The following MTTP variants were observed in gnomAD, a reference collection of about 807,000 sequenced individuals.
MTTP encodes microsomal triglyceride transfer protein large subunit.
Under a neutral mutation model 90.6 loss-of-function variants are expected in MTTP, and 49 were observed. The ratio of observed to expected loss-of-function variants is 0.54; its 90% CI spans 0.43 to 0.69. The LOEUF (loss-of-function observed/expected upper bound fraction) is 0.69, where lower values mean the gene tolerates loss of function less well. Among genes scored for constraint, MTTP ranks in the 30% least tolerant of loss-of-function variants. The pLI is 0.00. For synonymous variants in MTTP, 347 were observed against 384.2 expected (o/e 0.90, Z 1.13); for missense variants, 945 against 1,067.5 (o/e 0.89, Z 1.60).
intron 17 of MTTP, 138 bp downstream of exon 17, chr4:99,621,369 T>C: frequency 1.7e-6 from 2 of 1,149,816 alleles, no homozygotes; most frequent in Non-Finnish European, 2.5e-6. Flanking sequence ...TTTAAATGAG[T>C]AGAAGAATAA....
chr4:99,605,249 A>C (rs1053486759), intron 10 of MTTP, among the ~76,000 whole-genome samples: 1 of 152,206 alleles, frequency 6.6e-6, no homozygotes, highest in Admixed American at 6.6e-5. Flanking sequence ...TCATTAAAAA[A>C]AATTTTTCTT....
intron 3 of MTTP, among the ~76,000 whole-genome samples, chr4:99,585,809 C>G (rs959872236): frequency 3.3e-5 from 5 of 152,048 alleles, no homozygotes; most frequent in African/African-American, 1.2e-4. Context: ...ACTGTAACCA[C>G]AGGTTAAAGT....
Position 99,594,851 on chromosome 4 carries a change from G to T in MTTP, c.877G>T (p.Val293Phe), listed in dbSNP as rs146548751. The stretch of plus-strand genomic sequence containing the variant: ...CACGGCCATTCCCATTGTGGGGCAG[G>T]TCTTCCAGAGCCACTGTAAAGGATG... ...KYTAIPIVGQ[V>F]FQSHCKGCPS... is the part of the protein sequence containing the mutation. The change falls in exon 7 of 18, where the codon GTC becomes TTC. Residue 293 changes from valine (V) to phenylalanine (F), a missense_variant. Coordinates refer to ENST00000265517, the MANE Select transcript of MTTP (RefSeq NM_001386140.1). 67 of 1,614,008 alleles carry T rather than the reference G, an allele frequency of 4.2e-5. 2 individuals carry two copies. The highest frequency in any genetic ancestry group is 3.3e-4 in the Middle Eastern group (2 of 6,060).
chr4:99,573,863 T>G (rs2110206956), upstream of MTTP, among the ~76,000 whole-genome samples: 2 of 152,268 alleles, frequency 1.3e-5, no homozygotes, highest in South Asian at 4.1e-4. Context: ...ACAGGCGGCC[T>G]AAGTCACCTC....
At position 99,587,286 on chromosome 4, in the gene MTTP, G is replaced by A. The variant is rs529108468; in HGVS notation, c.394-2357G>A. Among the ~76,000 whole-genome samples the A allele has an allele frequency of 2.0e-3, 297 of 152,198 alleles. 2 individuals are homozygous for A. The highest frequency in any genetic ancestry group is 6.9e-3 in the African/African-American group (286 of 41,546). On this transcript the variant is annotated intron_variant, in intron 3 of 17. Coordinates refer to ENST00000265517, the MANE Select transcript of MTTP (RefSeq NM_001386140.1). Reference sequence around the variant, plus strand: ...AAGAAACAGAATTTAGGCCCTAGAAGTAGCAGTCATATAAAAGAAAAAGAG... The same window carrying A: ...AAGAAACAGAATTTAGGCCCTAGAAATAGCAGTCATATAAAAGAAAAAGAG...
At position 99,622,814 on chromosome 4, in the gene MTTP, CT is replaced by C; in HGVS notation, c.2652del (p.Gln885SerfsTer15). ...GAGATGTGCAAAGTGGTGTTTGCCC[CT>C]CAGCCGGATAGTACTTCCAGCGGAT... ...NSEMCKVVFAPQPDSTSSGWF is the reference protein window; with the variant it reads ...NSEMCKVVFAXQPDSTSSGWF On this transcript the variant is annotated frameshift_variant, in exon 18 of 18. Coordinates refer to ENST00000265517, the MANE Select transcript of MTTP (RefSeq NM_001386140.1). LOFTEE classifies it high-confidence loss of function. 6.2e-7 allele frequency: 1 copy of C among 1,614,130 alleles called. No homozygotes were observed. The highest frequency in any genetic ancestry group is 1.7e-5 in the Admixed American group (1 of 60,024).
At chr4:99,591,497 G>A in intron 5 of MTTP, 146 bp downstream of exon 5, 1 of 1,077,696 alleles carries the variant, frequency 9.3e-7, no homozygotes, top group African/African-American at 1.6e-5. Flanking sequence ...CATATGTAAT[G>A]AATAGACCCA....
Position 99,597,156 on chromosome 4 carries a change from T to C in MTTP, c.999T>C (p.Ile333=), listed in dbSNP as rs1201902278. The C allele has an allele frequency of 6.2e-7, 1 of 1,613,860 alleles. No individual in the cohort carries two copies. Among genetic ancestry groups the C allele is most frequent in the African/African-American group, 1.3e-5 (1 of 74,884 alleles). The change falls in exon 8 of 18, where the codon ATT becomes ATC. Residue 333 remains isoleucine, a synonymous_variant. Transcript: ENST00000265517. ...AEAVRNFLAF[I]QHLRTAKKEE... is the part of the protein sequence containing the mutation. ...CTGTCAGAAACTTCCTGGCCTTCAT[T>C]CAGCACCTCAGGACTGCGAAGAAAG...
intron 15 of MTTP, among the ~76,000 whole-genome samples, chr4:99,614,616 C>T (rs749927073): frequency 6.6e-6 from 1 of 152,196 alleles, no homozygotes; most frequent in Non-Finnish European, 1.5e-5. Flanking sequence ...CTTCCTTCAG[C>T]TCAGCCATTC....
At chr4:99,601,512 A>C (rs934527376) in intron 9 of MTTP, 95 bp from the exon 10 acceptor site, 48 of 987,064 alleles carry the variant, frequency 4.9e-5, no homozygotes, top group Non-Finnish European at 7.5e-5. Context: ...ACATAAAAAT[A>C]CTTTACCAAG....
chr4:99,564,412 A>C, intron 1 of MTTP: 1 of 610,292 alleles, frequency 1.6e-6, no homozygotes, highest in Non-Finnish European at 2.6e-6. Context: ...TCAAGTGGAA[A>C]ATTAAATTCA....
At position 99,591,692 on chromosome 4, in the gene MTTP, T is replaced by C. The variant is rs113557405; in HGVS notation, c.660T>C (p.Tyr220=). Residue 220 remains tyrosine (Y), a synonymous_variant, in exon 6 of 18, where the codon TAT becomes TAC. Coordinates refer to ENST00000265517, the MANE Select transcript of MTTP (RefSeq NM_001386140.1). ...VSSKATSVTT[Y]KIEDSFVIAV... ...CAAAAGCTACATCTGTCACCACCTA[T>C]AAGATAGAAGACAGCTTTGTTATAG... The C allele has an allele frequency of 0.024, 38,923 of 1,612,974 alleles. 945 individuals are homozygous for C. The highest frequency in any genetic ancestry group is 0.11 in the Middle Eastern group (661 of 6,054).
intron 6 of MTTP, among the ~76,000 whole-genome samples, chr4:99,592,790 T>C (rs1725464163): frequency 6.6e-6 from 1 of 152,192 alleles, no homozygotes; most frequent in African/African-American, 2.4e-5. Flanking sequence ...ATTTTTTTAA[T>C]AAGTAGAAGA....
intron 17 of MTTP, 102 bp from the exon 18 acceptor site, chr4:99,622,575 C>T: frequency 7.8e-7 from 1 of 1,284,314 alleles, no homozygotes; most frequent in South Asian, 1.2e-5. Flanking sequence ...TCTCAGATTG[C>T]TTTGGAACAG....
At chr4:99,585,748 T>A (rs1407636955) in intron 3 of MTTP, among the ~76,000 whole-genome samples, 1 of 152,114 alleles carries the variant, frequency 6.6e-6, no homozygotes, top group Non-Finnish European at 1.5e-5. Flanking sequence ...CATCATTATT[T>A]TAATAACTGC....
Position 99,613,066 on chromosome 4 carries a change from T to G in MTTP, c.2143T>G (p.Ser715Ala). ...TTTCAACGGATACAGTGATTTGATGTCCAAAATGCTGTCAGCATCTGGCGA... is the reference window on the plus strand; with the variant it reads ...TTTCAACGGATACAGTGATTTGATGGCCAAAATGCTGTCAGCATCTGGCGA... Reference protein sequence around the residue: ...TFFNGYSDLMSKMLSASGDPI... With the variant: ...TFFNGYSDLMAKMLSASGDPI... Residue 715 changes from serine to alanine, a missense_variant, in exon 15 of 18, where the codon TCC (serine) becomes GCC (alanine). Physicochemically the swap from Ser to Ala is moderately conservative, Grantham distance 99 (BLOSUM62 1). Transcript: ENST00000265517. 1 of 1,614,100 alleles carries G rather than the reference T, an allele frequency of 6.2e-7. No homozygotes were observed. The highest frequency in any genetic ancestry group is 8.5e-7 in the Non-Finnish European group (1 of 1,179,974).
At chr4:99,597,266 A>AT in intron 8 of MTTP, 42 bp downstream of exon 8, 1 of 1,605,518 alleles carries the variant, frequency 6.2e-7, no homozygotes, top group Non-Finnish European at 8.5e-7. Context: ...TGTCAGAAAC[A>AT]TTTCTGGATT....
Position 99,608,978 on chromosome 4 carries a change from GTATAATA to G in MTTP, c.1769+2_1769+8del. The G allele has an allele frequency of 6.2e-7, 1 of 1,612,150 alleles. No individual in the cohort carries two copies. Among genetic ancestry groups the G allele is most frequent in the Non-Finnish European group, 8.5e-7 (1 of 1,178,304 alleles). ...TCCTACGTTTTGAAATGCCTGCAAG[GTATAATA>G]CATTGCACATGTCTCTCTGTGTATT... On this transcript the variant is annotated splice_donor_variant and splice_donor_5th_base_variant and intron_variant, in intron 12 of 17. Coordinates refer to ENST00000265517, the MANE Select transcript of MTTP (RefSeq NM_001386140.1). LOFTEE classifies it high-confidence loss of function.
At chr4:99,571,189 C>A (rs542871757), upstream of MTTP, among the ~76,000 whole-genome samples, 6 of 151,988 alleles carry the variant, frequency 3.9e-5, no homozygotes, top group East Asian at 1.2e-3. Context: ...AAACAATTGG[C>A]TTCTTGTTCC....
Sources: gnomAD v4.1 joint callset for allele counts (sites outside exome capture counted in the v4.1 genomes callset) on GRCh38, gnomAD v4.1.1 for gene constraint, MANE v1.5 for transcripts, NCBI Gene and HGNC (gene_info 2026-07-23, HGNC 2026-07-21) for gene names.